SYT16: variants seen among roughly 807,000 people sequenced by gnomAD.
The protein encoded by SYT16 is synaptotagmin 16.
Under a neutral mutation model 61.4 loss-of-function variants are expected in SYT16, and 42 were observed. That is an observed-to-expected ratio of 0.68 (90% CI 0.53 to 0.89). The LOEUF is 0.89. Among genes scored for constraint, SYT16 ranks in the 40% least tolerant of loss-of-function variants. The pLI, the probability that SYT16 is intolerant of heterozygous loss-of-function variation, is 0.00. For missense variants in SYT16, 804 were observed against 807.3 expected, an observed-to-expected ratio of 1.00 and a Z score of 0.05; for synonymous variants, 314 against 302.3, an observed-to-expected ratio of 1.04 and a Z score of -0.40.
rs530659673 is a variant in SYT16 at position 62,110,227 on chromosome 14, C to G, written c.*9520C>G. On this transcript the variant is annotated 3_prime_UTR_variant, in exon 8 of 8. Transcript: ENST00000683842. ...ATATCAAATCTTCCACTAATGAGCT[C>G]TAAAATGAATATCAAGTCACAATTT... is the stretch of plus-strand genomic sequence containing the variant. 4 of 152,200 alleles carry G rather than the reference C, an allele frequency of 2.6e-5. No individual in the cohort carries two copies. The East Asian group carries it at 7.7e-4, about 29-fold the overall frequency. 9.4% of individuals were successfully genotyped at this position (152,200 alleles called of 1,614,324 possible). A position where few individuals can be genotyped will look rare whatever the true frequency, so the allele number is the denominator to read the frequency against.
intron 3 of SYT16, among the ~76,000 whole-genome samples, chr14:62,032,034 G>A (rs28570052): frequency 0.11 from 16,863 of 152,146 alleles, 1,102 homozygotes; most frequent in African/African-American, 0.18. Flanking sequence ...AGAATATCAG[G>A]TGAATTGCCT....
intron 4 of SYT16, 130 bp from the exon 5 acceptor site, chr14:62,075,005 T>G (rs2056431091): frequency 5.3e-6 from 5 of 949,546 alleles, no homozygotes; most frequent in Non-Finnish European, 7.7e-6. Context: ...GAATTATGTT[T>G]CTGCAGGTAT....
At chr14:62,043,966 C>T (rs1251883423) in intron 3 of SYT16, among the ~76,000 whole-genome samples, 1 of 152,138 alleles carries the variant, frequency 6.6e-6, no homozygotes, top group Admixed American at 6.5e-5. Context: ...AACCACCATG[C>T]CTGGCCTATG....
At position 61,996,542 on chromosome 14, in the gene SYT16, G is replaced by A; in HGVS notation, c.523G>A (p.Val175Ile). The change falls in exon 3 of 8, where the codon GTC becomes ATC. Residue 175 changes from valine (V) to isoleucine (I), a missense_variant and splice_region_variant. By Grantham distance (29) the Val-to-Ile change is conservative. Transcript: ENST00000683842. ...TLETVNGKKQ[V>I]NSFGDDEELS... Reference sequence around the variant, plus strand: ...AGAAACTGTTAATGGAAAAAAGCAAGGTAAGCTAGCCAGTCATCATTTTCT... The same window carrying A: ...AGAAACTGTTAATGGAAAAAAGCAAAGTAAGCTAGCCAGTCATCATTTTCT... The A allele has an allele frequency of 6.3e-7, 1 of 1,588,040 alleles. No homozygotes were observed. Among genetic ancestry groups the A allele is most frequent in the East Asian group, 2.2e-5 (1 of 44,454 alleles).
At chr14:61,977,488 G>C (rs1392361551) in intron 2 of SYT16, among the ~76,000 whole-genome samples, 1 of 152,156 alleles carries the variant, frequency 6.6e-6, no homozygotes, top group Admixed American at 6.5e-5. Context: ...GCAGGAAGAA[G>C]TGCCAAGCAA....
chr14:62,038,271 T>C (rs905096649), intron 3 of SYT16, among the ~76,000 whole-genome samples: 7 of 151,064 alleles, frequency 4.6e-5, no homozygotes, highest in Admixed American at 3.3e-4. Flanking sequence ...GCCTCTACTT[T>C]TGATACAGAA....
intron 7 of SYT16, 89 bp from the exon 8 acceptor site, chr14:62,100,305 G>T: frequency 8.7e-7 from 1 of 1,153,830 alleles, no homozygotes. Flanking sequence ...GAAATTTGTA[G>T]CCCATATAAA....
At chr14:61,992,007 C>T (rs1350942083) in intron 2 of SYT16, among the ~76,000 whole-genome samples, 1 of 151,956 alleles carries the variant, frequency 6.6e-6, no homozygotes, top group Admixed American at 6.6e-5. Context: ...ATGGAGAGCC[C>T]CTGCCCTGTG....
intron 1 of SYT16, among the ~76,000 whole-genome samples, chr14:61,816,020 C>T (rs570364000): frequency 6.6e-6 from 1 of 152,254 alleles, no homozygotes; most frequent in Admixed American, 6.5e-5. Flanking sequence ...AAATCTTGGG[C>T]AGTTTTCAGG....
chr14:61,996,656 T>C (rs985810040), intron 3 of SYT16, 114 bp downstream of exon 3: 39 of 1,264,946 alleles, frequency 3.1e-5, no homozygotes, highest in Non-Finnish European at 4.1e-5. Context: ...CTCTTATACC[T>C]TCCCACATAC....
At chr14:61,916,832 A>G (rs1462917255) in intron 1 of SYT16, among the ~76,000 whole-genome samples, 1 of 152,122 alleles carries the variant, frequency 6.6e-6, no homozygotes, top group African/African-American at 2.4e-5. Context: ...TATAAGTAAG[A>G]ACATGAGATA....
At chr14:62,046,888 G>C (rs976049613) in intron 3 of SYT16, among the ~76,000 whole-genome samples, 2 of 152,220 alleles carry the variant, frequency 1.3e-5, no homozygotes, top group African/African-American at 4.8e-5. Flanking sequence ...CAGGTAGCAT[G>C]ATGCCTTCAG....
chr14:61,974,120 C>T (rs867968968), intron 2 of SYT16, among the ~76,000 whole-genome samples: 4 of 152,198 alleles, frequency 2.6e-5, no homozygotes, highest in Middle Eastern at 6.8e-3. Flanking sequence ...GAGAAGACGC[C>T]GCTGCTACAG....
intron 1 of SYT16, among the ~76,000 whole-genome samples, chr14:61,846,698 C>A (rs2046455509): frequency 6.6e-6 from 1 of 152,018 alleles, no homozygotes; most frequent in Non-Finnish European, 1.5e-5. Context: ...GCCATTTTGT[C>A]ATTTTCTTGT....
chr14:62,005,955 A>G (rs1221456641), intron 3 of SYT16, among the ~76,000 whole-genome samples: 1 of 152,122 alleles, frequency 6.6e-6, no homozygotes, highest in Non-Finnish European at 1.5e-5. Context: ...AGCCCAATTC[A>G]CTCACAGCTT....
intron 3 of SYT16, among the ~76,000 whole-genome samples, chr14:62,001,414 T>C (rs1157338937): frequency 6.6e-6 from 1 of 152,128 alleles, no homozygotes; most frequent in Non-Finnish European, 1.5e-5. Context: ...AAGATTGCCA[T>C]TTCACTATCT....
chr14:61,928,782 C>T (rs2049639494), intron 1 of SYT16, among the ~76,000 whole-genome samples: 1 of 152,192 alleles, frequency 6.6e-6, no homozygotes, highest in Non-Finnish European at 1.5e-5. Context: ...CTGAGCATTA[C>T]TTCCTTTTGA....
At chr14:62,077,703 T>C (rs2056545594) in intron 5 of SYT16, 2 of 152,246 alleles carry the variant, frequency 1.3e-5, no homozygotes, top group Non-Finnish European at 2.9e-5. Flanking sequence ...AAATAATTAA[T>C]TGCTATGAAA....
intron 1 of SYT16, among the ~76,000 whole-genome samples, chr14:61,873,622 G>A (rs1217879121): frequency 1.3e-5 from 2 of 152,224 alleles, no homozygotes; most frequent in African/African-American, 2.4e-5. Context: ...ATGAGTAGGG[G>A]AGGTACAAAG....
Sources: gnomAD v4.1 joint callset for allele counts (sites outside exome capture counted in the v4.1 genomes callset) on GRCh38, gnomAD v4.1.1 for gene constraint, MANE v1.5 for transcripts, NCBI Gene and HGNC (gene_info 2026-07-23, HGNC 2026-07-21) for gene names.